Variants in AP3D1 observed in about 807,000 individuals in gnomAD.
AP3D1 encodes the protein AP-3 complex subunit delta-1.
AP3D1 carries 51 observed loss-of-function variants against 147.6 expected under a neutral mutation model. The observed-to-expected ratio is 0.35, with a 90% CI of 0.28 to 0.44. The LOEUF is 0.44. Ranked by LOEUF, AP3D1 falls within the 20% of genes least tolerant of loss-of-function variation. AP3D1 has a pLI of 1.00. For missense variants in AP3D1, 1,421 were observed against 1,624.2 expected (o/e 0.87, Z 2.15); for synonymous variants, 760 against 663.0 (o/e 1.15, Z -2.25).
chr19:2,115,678 C>T lies in AP3D1; in HGVS notation c.2074-65G>A, dbSNP rs375585068. On this transcript the variant is annotated intron_variant, in intron 18 of 31. Transcript: ENST00000643116. The stretch of plus-strand genomic sequence containing the variant: ...GGTGACACACGTGCAAGACAAGCCT[C>T]GGGGATGCAGGGAGCGTGACGCAGC... 14 of 1,534,332 alleles carry T rather than the reference C, an allele frequency of 9.1e-6. No homozygotes were observed. In the East Asian group the frequency reaches 9.2e-5, roughly 10 times the overall value.
intron 1 of AP3D1, among the ~76,000 whole-genome samples, chr19:2,157,365 C>A (rs2019654229): frequency 6.8e-6 from 1 of 148,090 alleles, no homozygotes; most frequent in African/African-American, 2.5e-5. Context: ...TGGCGTGAAC[C>A]CGGGAGGCAG....
At chr19:2,109,615 G>A in intron 29 of AP3D1, 1 of 533,278 alleles carries the variant, frequency 1.9e-6, no homozygotes, top group East Asian at 3.1e-5. Context: ...TGGCTCCTTG[G>A]TCTCACCCCT....
chr19:2,113,734 C>A (rs893222978), intron 22 of AP3D1, among the ~76,000 whole-genome samples: 1 of 152,236 alleles, frequency 6.6e-6, no homozygotes, highest in African/African-American at 2.4e-5. Flanking sequence ...GACAGGCTCC[C>A]AGGCCCTGCA....
At chr19:2,155,381 C>A (rs990841225), upstream of AP3D1, among the ~76,000 whole-genome samples, 6 of 143,086 alleles carry the variant, frequency 4.2e-5, no homozygotes, top group African/African-American at 1.3e-4. Flanking sequence ...CCAAAAAAAA[C>A]AAAAAATTAG....
chr19:2,157,593 TCATCCATCCACCCACCCACTAACC>T lies in AP3D1; in HGVS notation c.-103+6739_-103+6762del, dbSNP rs1172660235. On this transcript the variant is annotated intron_variant, in intron 1 of 14. Coordinates refer to the AP3D1 transcript ENST00000643010. ...CCCATCCACCCATCCACCCACCGAC[TCATCCATCCACCCACCCACTAACC>T]CATCCACCCACCCACCCATCCACCC... Among the ~76,000 whole-genome samples the T allele has an allele frequency of 8.2e-5, 10 of 121,432 alleles. No homozygotes were observed. The East Asian group carries it at 2.3e-3, about 27-fold the overall frequency. The allele number at this position is 121,432 out of a possible 152,430, so 79.7% of individuals were successfully genotyped here.
chr19:2,121,462 G>A lies in AP3D1; in HGVS notation c.1102-151C>T, dbSNP rs571895858. ...TGCCAGGGAGGCAGCAGGCCCCTGC[G>A]ATGTGGGCTGGGTTAGAGGCACACG... On this transcript the variant is annotated intron_variant, in intron 12 of 31. Coordinates refer to ENST00000643116, the MANE Select transcript of AP3D1 (RefSeq NM_001261826.3). 530 of 1,139,232 alleles carry A rather than the reference G, an allele frequency of 4.7e-4. 2 individuals are homozygous for A. In the African/African-American group the frequency reaches 7.3e-3, roughly 16 times the overall value. 70.6% of individuals were successfully genotyped at this position (1,139,232 alleles called of 1,614,324 possible).
upstream of AP3D1, among the ~76,000 whole-genome samples, chr19:2,156,522 C>CCCAT (rs377369495): frequency 1.2e-4 from 18 of 151,258 alleles, no homozygotes; most frequent in African/African-American, 3.9e-4. Flanking sequence ...CACCCACCCA[C>CCCAT]CCATCCATCC....
chr19:2,143,067 T>C (rs2144540331), intron 1 of AP3D1, among the ~76,000 whole-genome samples: 1 of 150,146 alleles, frequency 6.7e-6, no homozygotes, highest in African/African-American at 2.4e-5. Context: ...CCCAGCCTCT[T>C]TTTCTTTTTT....
chr19:2,117,257 G>T lies in AP3D1; in HGVS notation c.1824C>A (p.Ala608=), dbSNP rs1191886830. The change falls in exon 16 of 32, where the codon GCC becomes GCA. Residue 608 remains alanine (A), a synonymous_variant. Transcript: ENST00000643116. The part of the protein sequence containing the change: ...ALFAGELNPV[A]PKAQKKVPVP... ...CTGGAACCTTCTTCTGGGCCTTGGG[G>T]GCCACTGGGTTCAGCTCCCCAGCAA... The T allele has an allele frequency of 1.9e-6, 3 of 1,612,432 alleles. No individual in the cohort carries two copies. Among genetic ancestry groups the T allele is most frequent in the Non-Finnish European group, 1.7e-6 (2 of 1,179,482 alleles).
chr19:2,162,980 T>C (rs910525107), intron 1 of AP3D1, among the ~76,000 whole-genome samples: 18 of 152,222 alleles, frequency 1.2e-4, no homozygotes, highest in Non-Finnish European at 7.4e-5. Flanking sequence ...GACTCCCTCT[T>C]CCTTCTAACC....
chr19:2,123,917 C>T (rs1489700496), intron 9 of AP3D1, 38 bp from the exon 10 acceptor site: 1 of 1,558,214 alleles, frequency 6.4e-7, no homozygotes, highest in Non-Finnish European at 8.7e-7. Flanking sequence ...CGGTCAGCAC[C>T]ATGGCCAGCG....
chr19:2,114,741 G>A lies in AP3D1; in HGVS notation c.2423+7C>T, dbSNP rs1340675667. The A allele has an allele frequency of 6.2e-7, 1 of 1,612,986 alleles. No homozygotes were observed. Among genetic ancestry groups the A allele is most frequent in the South Asian group, 1.1e-5 (1 of 90,998 alleles). ...TCCACCCTCACCCTGAACCCATATG[G>A]ACTCACTTATCCAGGTCAATATCCA... On this transcript the variant is annotated splice_region_variant and intron_variant, in intron 21 of 31. Transcript: ENST00000643116.
intron 3 of AP3D1, 48 bp downstream of exon 3, chr19:2,137,679 C>A: frequency 6.5e-7 from 1 of 1,536,208 alleles, no homozygotes. Context: ...GTGCCTCACA[C>A]CTGTAATCAC....
chr19:2,131,856 C>T (rs899949972), intron 5 of AP3D1, among the ~76,000 whole-genome samples: 1 of 150,688 alleles, frequency 6.6e-6, no homozygotes, highest in African/African-American at 2.5e-5. Context: ...CAGCGCCCAT[C>T]GGCCACGATC....
At chr19:2,144,417 C>G (rs2019304516) in intron 1 of AP3D1, among the ~76,000 whole-genome samples, 1 of 152,172 alleles carries the variant, frequency 6.6e-6, no homozygotes, top group African/African-American at 2.4e-5. Context: ...CCGGGACCTA[C>G]CTCCACTCCC....
intron 1 of AP3D1, among the ~76,000 whole-genome samples, chr19:2,144,618 T>C (rs1036794603): frequency 1.3e-5 from 2 of 152,068 alleles, no homozygotes; most frequent in African/African-American, 4.8e-5. Flanking sequence ...TAAAACCCTC[T>C]GAGTCAAGGC....
Position 2,123,415 on chromosome 19 carries a change from A to C in AP3D1, c.907-9T>G. ...AATTTCTGAACACAAAGCTGAAAAG[A>C]AGAAAAAAACGATGCTGGTTACATC... On this transcript the variant is annotated splice_polypyrimidine_tract_variant and intron_variant, in intron 10 of 31. Coordinates refer to ENST00000643116, the MANE Select transcript of AP3D1 (RefSeq NM_001261826.3). 6.2e-7 allele frequency: 1 copy of C among 1,613,924 alleles called. No individual in the cohort carries two copies. The highest frequency in any genetic ancestry group is 1.1e-5 in the South Asian group (1 of 91,082).
intron 3 of AP3D1, among the ~76,000 whole-genome samples, 190 bp from the exon 4 acceptor site, chr19:2,137,281 C>A (rs1235132123): frequency 6.6e-6 from 1 of 152,062 alleles, no homozygotes; most frequent in Non-Finnish European, 1.5e-5. Context: ...TTCAAAATTC[C>A]ATGAGGAAAT....
chr19:2,111,428 C>T, intron 25 of AP3D1, 96 bp from the exon 26 acceptor site: 4 of 1,479,386 alleles, frequency 2.7e-6, no homozygotes, highest in Non-Finnish European at 3.7e-6. Context: ...AATGCCACGA[C>T]TCCAAGAATG....
Sources: gnomAD v4.1 joint callset for allele counts (sites outside exome capture counted in the v4.1 genomes callset) on GRCh38, gnomAD v4.1.1 for gene constraint, MANE v1.5 for transcripts, NCBI Gene and HGNC (gene_info 2026-07-23, HGNC 2026-07-21) for gene names.